SEPTIN8: variants seen among roughly 807,000 people sequenced by gnomAD.
SEPTIN8 encodes septin-8.
SEPTIN8 carries 22 observed loss-of-function variants against 53.1 expected under a neutral mutation model. The ratio of observed to expected loss-of-function variants is 0.41; its 90% CI spans 0.30 to 0.59. The LOEUF is 0.59. Ranked by LOEUF, SEPTIN8 falls within the 20% of genes least tolerant of loss-of-function variation. The probability of loss-of-function intolerance (pLI) is 0.24; values close to 1 mark genes in which losing one functional copy is unlikely to be tolerated. For missense variants in SEPTIN8, 536 were observed against 638.7 expected, an observed-to-expected ratio of 0.84 and a Z score of 1.73; for synonymous variants, 228 against 248.4, an observed-to-expected ratio of 0.92 and a Z score of 0.77.
At chr5:132,777,438 T>C (rs949117098), upstream of SEPTIN8, 1 of 993,662 alleles carries the variant, frequency 1.0e-6, no homozygotes, top group African/African-American at 1.7e-5. This position sits in a 1 kb window ranked among gnomAD's most constrained non-coding sequence, Gnocchi z 4.1. Flanking sequence ...TGCTGGGACT[T>C]GTAGTCCGCG....
At chr5:132,755,257 C>A (rs546292683) in intron 9 of SEPTIN8, among the ~76,000 whole-genome samples, 22 of 152,292 alleles carry the variant, frequency 1.4e-4, no homozygotes, top group African/African-American at 5.3e-4. Context: ...AAAAAACAAA[C>A]CCACATACTT....
At position 132,777,207 on chromosome 5, in the gene SEPTIN8, G is replaced by A; in HGVS notation, c.-70C>T. The A allele has an allele frequency of 8.6e-7, 1 of 1,158,906 alleles. No homozygotes were observed. Among genetic ancestry groups the A allele is most frequent in the South Asian group, 4.2e-5 (1 of 23,606 alleles). 71.8% of individuals were successfully genotyped at this position (1,158,906 alleles called of 1,614,324 possible). A position where few individuals can be genotyped will look rare whatever the true frequency, so the allele number is the denominator to read the frequency against. On this transcript the variant is annotated 5_prime_UTR_variant, in exon 1 of 10. Coordinates refer to ENST00000378719, the MANE Select transcript of SEPTIN8 (RefSeq NM_001098811.2). This position sits in a 1 kb window ranked among gnomAD's most constrained non-coding sequence, Gnocchi z 4.1. The stretch of plus-strand genomic sequence containing the variant: ...CAGCGACAGGGACCAGCCGGCTGCG[G>A]GACGCGCTCCGCCCGGGCGGCTGCG...
rs1216689837 is a variant in SEPTIN8, at chr5:132,751,144, C to T, written c.*872G>A. On this transcript the variant is annotated 3_prime_UTR_variant, in exon 10 of 10. Coordinates refer to ENST00000378719, the MANE Select transcript of SEPTIN8 (RefSeq NM_001098811.2). Reference sequence around the variant, plus strand: ...GGTGACGCACAAGGCTCATGACATACGGAAGAGTGAAAAGGTATCTTAAAT... The same window carrying T: ...GGTGACGCACAAGGCTCATGACATATGGAAGAGTGAAAAGGTATCTTAAAT... 9 of 783,114 alleles carry T rather than the reference C, an allele frequency of 1.1e-5. No individual in the cohort carries two copies. Among genetic ancestry groups the T allele is most frequent in the South Asian group, 2.3e-5 (1 of 43,704 alleles). 48.5% of individuals were successfully genotyped at this position (783,114 alleles called of 1,614,324 possible).
chr5:132,766,169 C>T (rs1354181002), intron 1 of SEPTIN8, among the ~76,000 whole-genome samples: 1 of 152,216 alleles, frequency 6.6e-6, no homozygotes, highest in Non-Finnish European at 1.5e-5. Flanking sequence ...ACACAACCCC[C>T]CCGTGGGGCT....
chr5:132,774,918 A>G (rs1471395902), intron 1 of SEPTIN8, among the ~76,000 whole-genome samples: 9 of 152,304 alleles, frequency 5.9e-5, no homozygotes, highest in African/African-American at 1.7e-4. Context: ...TGATTTTCCC[A>G]AGATGACAAG....
Position 132,760,789 on chromosome 5 carries a change from G to A in SEPTIN8, c.1286+13C>T, listed in dbSNP as rs1755835349. On this transcript the variant is annotated intron_variant, in intron 9 of 9. Coordinates refer to ENST00000378719, the MANE Select transcript of SEPTIN8 (RefSeq NM_001098811.2). The surrounding 1 kb of genome is among the most constrained non-coding windows in gnomAD (Gnocchi z 5.2). ...AGCAAGAGGAGCCAGCGCAGGCGCA[G>A]CCTGCCACCTACTTCTTCTTGTCCT... 6.2e-7 allele frequency: 1 copy of A among 1,611,570 alleles called. No homozygotes were observed. The highest frequency in any genetic ancestry group is 1.3e-5 in the African/African-American group (1 of 74,818).
In SEPTIN8 at chr5:132,764,393, G is replaced by A; in HGVS notation, c.178C>T (p.Leu60=). 1 of 1,613,986 alleles carries A rather than the reference G, an allele frequency of 6.2e-7. No individual in the cohort carries two copies. Among genetic ancestry groups the A allele is most frequent in the Non-Finnish European group, 8.5e-7 (1 of 1,179,896 alleles). ...GTCGTGTTGAAGAGTGTGTTCATCA[G>A]TGTGGATTTGCCAATGCCGGTCTCC... ...VGETGIGKST[L]MNTLFNTTFE... is the part of the protein sequence containing the mutation. Residue 60 remains leucine, a synonymous_variant, in exon 3 of 10, where the codon CTG becomes TTG. Transcript: ENST00000378719.
rs1755943591 is a variant in SEPTIN8, at chr5:132,761,479, T to A, written c.941A>T (p.Asp314Val). 6.2e-7 allele frequency: 1 copy of A among 1,612,468 alleles called. No individual in the cohort carries two copies. Residue 314 changes from aspartate (D) to valine (V), a missense_variant, in exon 7 of 10, where the codon GAT becomes GTT. Asp to Val is a radical substitution (Grantham distance 152). Transcript: ENST00000378719. This position sits in a 1 kb window ranked among gnomAD's most constrained non-coding sequence, Gnocchi z 5.8. ...TCACCTGAAGGGCTGGCTGTCACCA[T>A]CGCTGTCCTGAAAGCCCATCTCCTC... The part of the protein sequence containing the change: ...KLEEMGFQDS[D>V]GDSQPFSLQE...
chr5:132,760,147 T>A lies in SEPTIN8; in HGVS notation c.1286+655A>T, dbSNP rs542994121. Among the ~76,000 whole-genome samples, 1 of 152,176 alleles carries A rather than the reference T, an allele frequency of 6.6e-6. No individual in the cohort carries two copies. Among genetic ancestry groups the A allele is most frequent in the East Asian group, 1.9e-4 (1 of 5,152 alleles). On this transcript the variant is annotated intron_variant, in intron 9 of 9. Transcript: ENST00000378719. The surrounding 1 kb of genome is among the most constrained non-coding windows in gnomAD (Gnocchi z 5.2). ...CAGAACAGCTGTGTGGTGACCAGTC[T>A]CCAGGAGGCCAGTGTTGGCTGGCGC...
At chr5:132,770,063 G>C (rs13173641) in intron 1 of SEPTIN8, among the ~76,000 whole-genome samples, 1 of 90,244 alleles carries the variant, frequency 1.1e-5, no homozygotes, top group Non-Finnish European at 2.1e-5. Context: ...GTGTGTGTGT[G>C]TATATATATA....
In SEPTIN8 at chr5:132,761,450, G is replaced by GCTGT. The variant is rs1457460401; in HGVS notation, c.962+4_962+7dup. On this transcript the variant is annotated splice_region_variant and intron_variant, in intron 7 of 9. Transcript: ENST00000378719. This position sits in a 1 kb window ranked among gnomAD's most constrained non-coding sequence, Gnocchi z 5.8. ...TGAAGACAGGCTCACTCTGGCTCAGGCTGTCACCTGAAGGGCTGGCTGTCA... is the reference window on the plus strand; with the variant it reads ...TGAAGACAGGCTCACTCTGGCTCAGGCTGTCTGTCACCTGAAGGGCTGGCTGTCA... 2 of 1,607,236 alleles carry GCTGT rather than the reference G, an allele frequency of 1.2e-6. No homozygotes were observed. The highest frequency in any genetic ancestry group is 1.7e-6 in the Non-Finnish European group (2 of 1,177,948).
intron 1 of SEPTIN8, among the ~76,000 whole-genome samples, chr5:132,775,475 A>G (rs561454518): frequency 4.9e-4 from 74 of 152,314 alleles, no homozygotes; most frequent in African/African-American, 1.6e-3. Flanking sequence ...CAATACCCCT[A>G]TGAGGGAAGA....
At chr5:132,755,399 C>A (rs1755233489) in intron 9 of SEPTIN8, among the ~76,000 whole-genome samples, 1 of 152,222 alleles carries the variant, frequency 6.6e-6, no homozygotes, top group Non-Finnish European at 1.5e-5. Flanking sequence ...ACACTAGCCA[C>A]ACTTTCACTA....
In SEPTIN8 at chr5:132,760,997, C is replaced by A; in HGVS notation, c.1096-5G>T. 6.3e-7 allele frequency: 1 copy of A among 1,580,364 alleles called. No individual in the cohort carries two copies. The highest frequency in any genetic ancestry group is 8.6e-7 in the Non-Finnish European group (1 of 1,163,296). ...GTGCTCAAACTTCTCATGGAGCTGG[C>A]ATCAGAAAGGGGGCAGAAGATGCGG... On this transcript the variant is annotated splice_polypyrimidine_tract_variant and splice_region_variant and intron_variant, in intron 8 of 9. Transcript: ENST00000378719. This position sits in a 1 kb window ranked among gnomAD's most constrained non-coding sequence, Gnocchi z 5.2.
At chr5:132,758,859 C>T (rs752401439) in intron 9 of SEPTIN8, 2 of 1,595,226 alleles carry the variant, frequency 1.3e-6, no homozygotes, top group African/African-American at 1.3e-5. Flanking sequence ...AAAACAAAAA[C>T]AGACACATTA....
intron 9 of SEPTIN8, chr5:132,752,872 G>GAT (rs1239445203): frequency 6.2e-7 from 1 of 1,613,358 alleles, no homozygotes; most frequent in Non-Finnish European, 8.5e-7. Context: ...ACAGGTTGGT[G>GAT]ATATGCAGTA....
At chr5:132,765,268 C>A in intron 2 of SEPTIN8, 141 bp downstream of exon 2, 1 of 979,748 alleles carries the variant, frequency 1.0e-6, no homozygotes, top group African/African-American at 1.7e-5. Flanking sequence ...GCAGAGACAC[C>A]AACCAAATCC....
intron 9 of SEPTIN8, chr5:132,758,542 G>T: frequency 6.2e-7 from 1 of 1,613,174 alleles, no homozygotes; most frequent in Admixed American, 1.7e-5. Flanking sequence ...GTAAATGGAA[G>T]ACCAGCCACT....
rs770123442 is a variant in SEPTIN8, at chr5:132,760,837, C to T, written c.1251G>A (p.Ser417=). 13 of 1,613,758 alleles carry T rather than the reference C, an allele frequency of 8.1e-6. No individual in the cohort carries two copies. The highest frequency in any genetic ancestry group is 6.7e-5 in the East Asian group (3 of 44,888). ...ALQSQALHAT[S]QQPLRKDKDK... Reference sequence around the variant, plus strand: ...CCTTGTCCTTCCTCAGGGGCTGCTGCGAGGTGGCGTGCAAGGCCTGCGACT... The same window carrying T: ...CCTTGTCCTTCCTCAGGGGCTGCTGTGAGGTGGCGTGCAAGGCCTGCGACT... The change falls in exon 9 of 10, where the codon TCG becomes TCA. Residue 417 remains serine, a synonymous_variant. Coordinates refer to ENST00000378719, the MANE Select transcript of SEPTIN8 (RefSeq NM_001098811.2). This position sits in a 1 kb window ranked among gnomAD's most constrained non-coding sequence, Gnocchi z 5.2.
Sources: gnomAD v4.1 joint callset for allele counts (sites outside exome capture counted in the v4.1 genomes callset) on GRCh38, gnomAD v4.1.1 for gene constraint, Gnocchi (gnomAD v3.1) non-coding constraint, MANE v1.5 for transcripts, NCBI Gene and HGNC (gene_info 2026-07-23, HGNC 2026-07-21) for gene names.